The following TIAM1 variants were observed in gnomAD, a reference collection of about 807,000 sequenced individuals.
TIAM1 encodes the protein TIAM Rac1 associated GEF 1.
In TIAM1, 65 loss-of-function variants were observed where a neutral mutation model predicts 163.5. The observed-to-expected ratio is 0.40, with a 90% confidence interval of 0.33 to 0.49. The LOEUF (loss-of-function observed/expected upper bound fraction) is 0.49, where lower values mean the gene tolerates loss of function less well. TIAM1 is among the 20% of genes least tolerant of loss of function. The pLI is 0.77. For missense variants in TIAM1, 1,789 were observed against 2,044.7 expected (o/e 0.87, Z 2.41); for synonymous variants, 833 against 810.1 (o/e 1.03, Z -0.48).
intron 2 of TIAM1, among the ~76,000 whole-genome samples, chr21:31,410,133 TGA>T (rs371659715): frequency 1.4e-3 from 216 of 150,576 alleles, no homozygotes; most frequent in African/African-American, 5.1e-3. Context: ...GTGGAGAGTG[TGA>T]GTGTACATGT....
chr21:31,181,756 C>CTTT (rs781153297), intron 15 of TIAM1, among the ~76,000 whole-genome samples: 8 of 41,344 alleles, frequency 1.9e-4, no homozygotes, highest in East Asian at 1.0e-3. Context: ...TCTTCTTCTT[C>CTTT]TTTTTTTTTT....
intron 16 of TIAM1, among the ~76,000 whole-genome samples, chr21:31,155,391 A>G (rs1049539354): frequency 3.3e-5 from 5 of 152,244 alleles, no homozygotes; most frequent in African/African-American, 1.2e-4. Context: ...TGCAGATATC[A>G]ATATGTTTTA....
At chr21:31,454,190 C>T (rs369248742) in intron 2 of TIAM1, among the ~76,000 whole-genome samples, 10 of 152,206 alleles carry the variant, frequency 6.6e-5, no homozygotes, top group East Asian at 5.8e-4. Flanking sequence ...CCACAAAGAC[C>T]GATTTTTGTC....
intron 1 of TIAM1, among the ~76,000 whole-genome samples, chr21:31,492,832 GA>G (rs547288428): frequency 1.4e-5 from 2 of 147,214 alleles, no homozygotes; most frequent in African/African-American, 5.0e-5. Flanking sequence ...CACGTTAAGT[GA>G]AAAAAATCCA....
chr21:31,438,080 C>T (rs1417525151), intron 2 of TIAM1, among the ~76,000 whole-genome samples: 1 of 149,804 alleles, frequency 6.7e-6, no homozygotes, highest in Non-Finnish European at 1.5e-5. Context: ...CCCTCATCAA[C>T]TACTTTTTAC....
intron 2 of TIAM1, among the ~76,000 whole-genome samples, chr21:31,433,729 C>A (rs1428722767): frequency 1.3e-5 from 2 of 152,172 alleles, no homozygotes; most frequent in African/African-American, 4.8e-5. Context: ...ACTTAATGAT[C>A]AGATTGTCAG....
At chr21:31,523,583 C>G (rs2047678453) in intron 1 of TIAM1, among the ~76,000 whole-genome samples, 1 of 152,180 alleles carries the variant, frequency 6.6e-6, no homozygotes, top group South Asian at 2.1e-4. Flanking sequence ...GTGGGCAAAT[C>G]TCTTCATCTC....
chr21:31,556,372 CA>C (rs1360536164), intron 1 of TIAM1, among the ~76,000 whole-genome samples: 1 of 152,192 alleles, frequency 6.6e-6, no homozygotes, highest in Non-Finnish European at 1.5e-5. Flanking sequence ...AGACAGAGCG[CA>C]ATCCTGAGGG....
At chr21:31,129,749 C>T (rs934924507) in intron 25 of TIAM1, among the ~76,000 whole-genome samples, 2 of 152,042 alleles carry the variant, frequency 1.3e-5, no homozygotes, top group Non-Finnish European at 2.9e-5. Context: ...ATTTGTAATA[C>T]TTTAGGGAAA....
chr21:31,407,629 A>T (rs868040377), intron 2 of TIAM1, among the ~76,000 whole-genome samples: 7 of 94,076 alleles, frequency 7.4e-5, no homozygotes, highest in African/African-American at 1.7e-4. Flanking sequence ...TTTGCTCTTA[A>T]TTTTTTTTTT....
At position 31,260,527 on chromosome 21, in the gene TIAM1, C is replaced by A. The variant is rs183438236; in HGVS notation, c.963+5483G>T. On this transcript the variant is annotated intron_variant, in intron 4 of 27. Coordinates refer to ENST00000541036, the MANE Select transcript of TIAM1 (RefSeq NM_001353694.2). ...TTACTTTTTAAGAGTATAAAAAGGT[C>A]TAAGAATGGCTAACATAAGCTATCT... Among the ~76,000 whole-genome samples the A allele has an allele frequency of 2.3e-3, 346 of 152,040 alleles. 1 individual carries two copies. The highest frequency in any genetic ancestry group is 7.9e-3 in the African/African-American group (330 of 41,512).
chr21:31,284,608 T>G (rs1390836485), intron 2 of TIAM1, among the ~76,000 whole-genome samples: 4 of 152,134 alleles, frequency 2.6e-5, no homozygotes. Context: ...AACCTCCACC[T>G]CTCAAGTTCA....
At chr21:31,390,550 GGAA>G (rs2076950386) in intron 2 of TIAM1, among the ~76,000 whole-genome samples, 1 of 152,166 alleles carries the variant, frequency 6.6e-6, no homozygotes, top group Admixed American at 6.5e-5. Context: ...GTTATGAGCA[GGAA>G]GAAGGTCATC....
intron 25 of TIAM1, among the ~76,000 whole-genome samples, chr21:31,128,938 C>T (rs1291193465): frequency 6.7e-6 from 1 of 149,260 alleles, no homozygotes; most frequent in African/African-American, 2.5e-5. Context: ...AGGATCAGAT[C>T]CAGTTTTACT....
intron 2 of TIAM1, among the ~76,000 whole-genome samples, chr21:31,297,254 C>T (rs949553347): frequency 3.3e-5 from 5 of 152,262 alleles, no homozygotes; most frequent in South Asian, 4.1e-4. Context: ...TCCACTAATG[C>T]GGGGTACCTA....
intron 2 of TIAM1, among the ~76,000 whole-genome samples, chr21:31,287,548 G>A (rs529742562): frequency 6.6e-6 from 1 of 152,262 alleles, no homozygotes; most frequent in South Asian, 2.1e-4. Flanking sequence ...GTCCTGACAG[G>A]TTAATAGGAT....
intron 20 of TIAM1, among the ~76,000 whole-genome samples, chr21:31,145,590 C>T (rs530886214): frequency 6.6e-6 from 1 of 152,108 alleles, no homozygotes; most frequent in African/African-American, 2.4e-5. Flanking sequence ...AATGTTCCAC[C>T]GTCTTCTCAG....
At chr21:31,222,082 A>G (rs1358784181) in intron 8 of TIAM1, among the ~76,000 whole-genome samples, 1 of 152,210 alleles carries the variant, frequency 6.6e-6, no homozygotes, top group East Asian at 1.9e-4. Flanking sequence ...TTGGTTTAAG[A>G]CTTCTTTAAA....
At chr21:31,525,807 G>C (rs973058827) in intron 1 of TIAM1, among the ~76,000 whole-genome samples, 2 of 152,132 alleles carry the variant, frequency 1.3e-5, no homozygotes, top group African/African-American at 4.8e-5. Flanking sequence ...GCTGAGATGG[G>C]TGGATCATTT....
Sources: allele counts gnomAD v4.1 joint callset (sites outside exome capture counted in the v4.1 genomes callset), GRCh38; gene constraint gnomAD v4.1.1; transcripts MANE v1.5; gene names NCBI Gene and HGNC (gene_info 2026-07-23, HGNC 2026-07-21).